Variants in AFF2 observed in about 807,000 individuals in gnomAD.
AFF2 encodes the protein AF4/FMR2 family member 2.
In AFF2, 14 loss-of-function variants were observed where a neutral mutation model predicts 76.9. That is an observed-to-expected ratio of 0.18 (90% CI 0.12 to 0.28). The LOEUF (loss-of-function observed/expected upper bound fraction) is 0.28. AFF2 is among the 10% of genes least tolerant of loss of function. AFF2 has a pLI of 1.00. For missense variants in AFF2, 868 were observed against 1,001.1 expected (o/e 0.87, Z 1.79); for synonymous variants, 398 against 366.7 (o/e 1.09, Z -0.98).
intron 3 of AFF2, among the ~76,000 whole-genome samples, chrX:148,685,152 T>C (rs2054589220): frequency 9.0e-6 from 1 of 111,375 alleles, no homozygotes; most frequent in Non-Finnish European, 1.9e-5. Context: ...TGTGAGCCAA[T>C]TTACTCTGAA....
intron 4 of AFF2, among the ~76,000 whole-genome samples, chrX:148,837,171 T>C (rs2070536494): frequency 9.0e-6 from 1 of 111,672 alleles, no homozygotes; most frequent in South Asian, 3.8e-4. Context: ...CCAACAATAG[T>C]GACAGTGTAC....
Position 148,996,475 on chromosome X carries a change from C to G in AFF2, c.*5143C>G, listed in dbSNP as rs1557293163. ...ATGCACGCAGTTGGCTCTTGCAAGC[C>G]TGGGCAAAAATGCTTCAACACGCCA... On this transcript the variant is annotated 3_prime_UTR_variant, in exon 21 of 21. Coordinates refer to ENST00000370460, the MANE Select transcript of AFF2 (RefSeq NM_002025.4). The G allele has an allele frequency of 8.9e-6, 1 of 112,782 alleles. No individual in the cohort carries two copies. Among genetic ancestry groups the G allele is most frequent in the Non-Finnish European group, 1.9e-5 (1 of 53,400 alleles). 9.3% of individuals were successfully genotyped at this position (112,782 alleles called of 1,213,427 possible).
intron 1 of AFF2, among the ~76,000 whole-genome samples, chrX:148,615,941 G>C (rs938800511): frequency 1.8e-5 from 2 of 111,582 alleles, no homozygotes; most frequent in Admixed American, 9.5e-5. Context: ...TCAATATTTA[G>C]ATGAAGCCAT....
intron 1 of AFF2, among the ~76,000 whole-genome samples, chrX:148,522,182 A>G (rs782344475): frequency 3.6e-4 from 41 of 112,596 alleles, no homozygotes; most frequent in African/African-American, 1.2e-3. Flanking sequence ...CCTGACGACA[A>G]GAGGAAACAT....
intron 3 of AFF2, among the ~76,000 whole-genome samples, chrX:148,705,829 A>G (rs782769281): frequency 1.8e-5 from 2 of 111,381 alleles, no homozygotes; most frequent in East Asian, 5.7e-4. Flanking sequence ...AGCTCTTGAG[A>G]GGGGATGATT....
intron 1 of AFF2, among the ~76,000 whole-genome samples, chrX:148,525,426 A>G (rs2052647652): frequency 8.9e-6 from 1 of 112,021 alleles, no homozygotes; most frequent in Non-Finnish European, 1.9e-5. Flanking sequence ...AAATATGTAG[A>G]TGATAATCTC....
intron 3 of AFF2, among the ~76,000 whole-genome samples, chrX:148,718,735 C>T (rs2055055937): frequency 1.8e-5 from 2 of 111,129 alleles, no homozygotes; most frequent in Non-Finnish European, 3.8e-5. Flanking sequence ...CATGTGGAGT[C>T]TCTGAGCCCC....
intron 7 of AFF2, among the ~76,000 whole-genome samples, chrX:148,846,387 A>T (rs782253688): frequency 8.9e-6 from 1 of 111,871 alleles, no homozygotes; most frequent in African/African-American, 3.2e-5. Context: ...AGGAGAATTT[A>T]TTTTTATTTT....
At chrX:148,504,331 G>A (rs1333598755) in intron 1 of AFF2, among the ~76,000 whole-genome samples, 1 of 109,922 alleles carries the variant, frequency 9.1e-6, no homozygotes, top group Non-Finnish European at 1.9e-5. Flanking sequence ...ATACAGAAAG[G>A]GACACATTCT....
chrX:148,770,392 C>G (rs1603297857), intron 3 of AFF2, among the ~76,000 whole-genome samples: 1 of 111,801 alleles, frequency 8.9e-6, no homozygotes, highest in Non-Finnish European at 1.9e-5. Context: ...AATTGTTACT[C>G]CTAGATACAC....
intron 1 of AFF2, among the ~76,000 whole-genome samples, chrX:148,615,211 G>T (rs2053785258): frequency 8.9e-6 from 1 of 111,765 alleles, no homozygotes; most frequent in Non-Finnish European, 1.9e-5. Flanking sequence ...AAAGTGAAGA[G>T]GGTAAAATAT....
chrX:148,783,032 C>T (rs2069764943), intron 3 of AFF2, among the ~76,000 whole-genome samples: 2 of 111,837 alleles, frequency 1.8e-5, no homozygotes, highest in African/African-American at 6.5e-5. Flanking sequence ...CTTGCTCCAG[C>T]CTTCATTTCT....
intron 4 of AFF2, among the ~76,000 whole-genome samples, chrX:148,811,178 C>T (rs1404265042): frequency 9.0e-6 from 1 of 111,091 alleles, no homozygotes; most frequent in Non-Finnish European, 1.9e-5. Context: ...ATGTGTTCCT[C>T]GTGAGAATGT....
chrX:148,732,498 C>T (rs1417325526), intron 3 of AFF2, among the ~76,000 whole-genome samples: 4 of 87,844 alleles, frequency 4.6e-5, no homozygotes, highest in Admixed American at 1.3e-4. Context: ...GTGGGTGCAG[C>T]GCACCAGCAT....
chrX:148,679,897 G>A (rs1322390191), intron 3 of AFF2, among the ~76,000 whole-genome samples: 4 of 112,048 alleles, frequency 3.6e-5, no homozygotes, highest in African/African-American at 6.5e-5. Flanking sequence ...CATGACTTCT[G>A]ATTTCAAATA....
chrX:148,861,971 T>C (rs1426334948), intron 7 of AFF2, among the ~76,000 whole-genome samples: 1 of 110,588 alleles, frequency 9.0e-6, no homozygotes, highest in Non-Finnish European at 1.9e-5. Context: ...CTGTTTTTTT[T>C]TCCCCCCTCA....
At chrX:148,703,791 C>T in intron 3 of AFF2, among the ~76,000 whole-genome samples, 1 of 111,436 alleles carries the variant, frequency 9.0e-6, no homozygotes, top group Non-Finnish European at 1.9e-5. Context: ...CACCTGGATA[C>T]CCCACACATA....
intron 4 of AFF2, among the ~76,000 whole-genome samples, chrX:148,821,549 A>G (rs1247353902): frequency 9.1e-6 from 1 of 110,005 alleles, no homozygotes; most frequent in African/African-American, 3.3e-5. Context: ...CAAATGTGCC[A>G]TCTCCTCCTC....
intron 3 of AFF2, among the ~76,000 whole-genome samples, chrX:148,705,212 T>A (rs371194466): frequency 2.1e-4 from 24 of 111,879 alleles, no homozygotes; most frequent in African/African-American, 7.8e-4. Context: ...GTATCCCCAC[T>A]CCCCAACACA....
Sources: allele counts gnomAD v4.1 joint callset (sites outside exome capture counted in the v4.1 genomes callset), GRCh38; gene constraint gnomAD v4.1.1; transcripts MANE v1.5; gene names NCBI Gene and HGNC (gene_info 2026-07-23, HGNC 2026-07-21).